The following ELOVL2 variants were observed in gnomAD, a reference collection of about 807,000 sequenced individuals.
ELOVL2 encodes very long chain fatty acid elongase 2.
A neutral mutation model predicts 37.7 loss-of-function variants in ELOVL2; 38 were observed. The observed-to-expected ratio is 1.01, with a 90% CI of 0.78 to 1.32. The LOEUF (loss-of-function observed/expected upper bound fraction) is 1.32, where lower values mean the gene tolerates loss of function less well. Among genes scored for constraint, ELOVL2 ranks in the 40% most tolerant of loss-of-function variants. The pLI is 0.00. For missense variants in ELOVL2, 352 were observed against 363.6 expected (o/e 0.97, Z 0.26); for synonymous variants, 115 against 122.3 (o/e 0.94, Z 0.40).
chr6:11,041,801 A>G (rs1454019662), intron 1 of ELOVL2, among the ~76,000 whole-genome samples: 2 of 152,230 alleles, frequency 1.3e-5, no homozygotes, highest in African/African-American at 2.4e-5. Context: ...TTTTTAAAAA[A>G]CCAATGCCAT....
chr6:11,011,307 A>C (rs983392895), intron 1 of ELOVL2, among the ~76,000 whole-genome samples: 4 of 151,664 alleles, frequency 2.6e-5, no homozygotes, highest in African/African-American at 9.7e-5. Flanking sequence ...CAGAGCTTGC[A>C]GTGAGCCGAG....
chr6:10,994,885 AG>A (rs1267716803), intron 5 of ELOVL2, 121 bp downstream of exon 5: 6 of 745,388 alleles, frequency 8.0e-6, no homozygotes, highest in Non-Finnish European at 1.0e-5. Context: ...TGCTGCGGCA[AG>A]GCCGGCGCTC....
At chr6:10,993,857 ATTTTTTT>A (rs530539525) in intron 5 of ELOVL2, among the ~76,000 whole-genome samples, 109 of 79,094 alleles carry the variant, frequency 1.4e-3, no homozygotes, top group East Asian at 2.4e-3. Flanking sequence ...CGCCCAGCTA[ATTTTTTT>A]TTTTTTTTTT....
chr6:11,003,651 T>C (rs1782428487), intron 3 of ELOVL2, among the ~76,000 whole-genome samples: 1 of 152,216 alleles, frequency 6.6e-6, no homozygotes, highest in Non-Finnish European at 1.5e-5. Flanking sequence ...TGCCTTCTGC[T>C]ATATAGAGAA....
chr6:11,030,979 G>A (rs921010905), intron 1 of ELOVL2, among the ~76,000 whole-genome samples: 7 of 152,084 alleles, frequency 4.6e-5, no homozygotes, highest in Non-Finnish European at 8.8e-5. Flanking sequence ...ATATTTACAT[G>A]CAGATATTCA....
intron 1 of ELOVL2, among the ~76,000 whole-genome samples, chr6:11,018,093 G>T (rs1782711718): frequency 6.6e-6 from 1 of 151,582 alleles, no homozygotes; most frequent in Non-Finnish European, 1.5e-5. Flanking sequence ...ATTTCTTTTT[G>T]GAAGTTTTCT....
Position 10,996,130 on chromosome 6 carries a change from A to G in ELOVL2, c.334-952T>C, listed in dbSNP as rs189639359. Among the ~76,000 whole-genome samples the G allele has an allele frequency of 1.0e-3, 153 of 152,360 alleles. 1 individual carries two copies. Among genetic ancestry groups the G allele is most frequent in the Non-Finnish European group, 1.5e-3 (99 of 68,034 alleles). On this transcript the variant is annotated intron_variant, in intron 4 of 7. Coordinates refer to ENST00000354666, the MANE Select transcript of ELOVL2 (RefSeq NM_017770.4). ...TGTGTTTTTACCACTAACATTAAAC[A>G]TAAGATATTTTTAAAGACATTGCAT...
intron 1 of ELOVL2, among the ~76,000 whole-genome samples, chr6:11,012,510 C>A (rs1782601567): frequency 1.3e-5 from 2 of 152,222 alleles, no homozygotes; most frequent in South Asian, 2.1e-4. Flanking sequence ...TGAAGTCTTT[C>A]TTCCATTGCT....
At chr6:11,021,438 T>G (rs1399705871) in intron 1 of ELOVL2, among the ~76,000 whole-genome samples, 1 of 152,236 alleles carries the variant, frequency 6.6e-6, no homozygotes, top group Non-Finnish European at 1.5e-5. Flanking sequence ...ACTTTTGACC[T>G]CTTTTTCCTT....
chr6:10,998,243 T>G (rs1468546458), intron 4 of ELOVL2, among the ~76,000 whole-genome samples: 1 of 152,186 alleles, frequency 6.6e-6, no homozygotes, highest in Non-Finnish European at 1.5e-5. Flanking sequence ...CTCTATAAAT[T>G]ACCCAGCCTC....
intron 7 of ELOVL2, 49 bp downstream of exon 7, chr6:10,989,652 AAT>A: frequency 1.3e-6 from 2 of 1,578,692 alleles, no homozygotes; most frequent in Non-Finnish European, 8.6e-7. Context: ...AAAAAAAAAA[AAT>A]AGTGCCAATC....
At chr6:11,002,857 C>T (rs1469761920) in intron 3 of ELOVL2, among the ~76,000 whole-genome samples, 1 of 152,216 alleles carries the variant, frequency 6.6e-6, no homozygotes, top group Non-Finnish European at 1.5e-5. Flanking sequence ...GCTTCCTATT[C>T]AGTGCCTAGG....
chr6:10,986,064 A>G (rs867875407), intron 7 of ELOVL2, among the ~76,000 whole-genome samples: 4,080 of 152,220 alleles, frequency 0.027, 184 homozygotes, highest in African/African-American at 0.09. Context: ...GGTCCTTCAC[A>G]TCCCTTGTAA....
chr6:11,013,292 AG>A (rs1351025375), intron 1 of ELOVL2, among the ~76,000 whole-genome samples: 1 of 152,134 alleles, frequency 6.6e-6, no homozygotes, highest in African/African-American at 2.4e-5. Context: ...AGGTGATGTC[AG>A]GGGAACAAAC....
chr6:10,986,800 C>G (rs1332942739), intron 7 of ELOVL2, among the ~76,000 whole-genome samples: 1 of 152,122 alleles, frequency 6.6e-6, no homozygotes, highest in African/African-American at 2.4e-5. Flanking sequence ...GGATATTGGT[C>G]TAAAATTCTC....
chr6:11,022,956 T>C (rs1581877275), intron 1 of ELOVL2, among the ~76,000 whole-genome samples: 1 of 152,322 alleles, frequency 6.6e-6, no homozygotes, highest in Non-Finnish European at 1.5e-5. Context: ...ATAAAATAAC[T>C]TGCTTTAATT....
chr6:11,009,505 T>C (rs972892821), intron 2 of ELOVL2, among the ~76,000 whole-genome samples: 1 of 152,102 alleles, frequency 6.6e-6, no homozygotes, highest in Admixed American at 6.6e-5. Flanking sequence ...TACTGTACCT[T>C]AGAGAGGCAA....
intron 1 of ELOVL2, among the ~76,000 whole-genome samples, chr6:11,027,041 C>G (rs1782847556): frequency 6.6e-6 from 1 of 152,106 alleles, no homozygotes; most frequent in Admixed American, 6.6e-5. Flanking sequence ...CGATATATCT[C>G]TTGAACCTCC....
intron 1 of ELOVL2, among the ~76,000 whole-genome samples, chr6:11,021,278 T>C (rs920790287): frequency 1.3e-5 from 2 of 152,216 alleles, no homozygotes; most frequent in Non-Finnish European, 2.9e-5. Flanking sequence ...TCTGTTGGTT[T>C]TCCCTGGCCC....
Sources: gnomAD v4.1 joint callset for allele counts (sites outside exome capture counted in the v4.1 genomes callset) on GRCh38, gnomAD v4.1.1 for gene constraint, MANE v1.5 for transcripts, NCBI Gene and HGNC (gene_info 2026-07-23, HGNC 2026-07-21) for gene names.